PLEKHM3: variants seen among roughly 807,000 people sequenced by gnomAD.
PLEKHM3 encodes pleckstrin homology domain-containing family M member 3.
Under a neutral mutation model 81.8 loss-of-function variants are expected in PLEKHM3, and 45 were observed. That is an observed-to-expected ratio of 0.55 (90% confidence interval 0.43 to 0.71). PLEKHM3 has a LOEUF of 0.71. PLEKHM3 is among the 30% of genes least tolerant of loss of function. The pLI is 0.00. For missense variants in PLEKHM3, 788 were observed against 924.3 expected (o/e 0.85, Z 1.91); for synonymous variants, 352 against 356.4 (o/e 0.99, Z 0.14).
At chr2:207,951,609 A>G in intron 3 of PLEKHM3, among the ~76,000 whole-genome samples, 1 of 152,018 alleles carries the variant, frequency 6.6e-6, no homozygotes, top group East Asian at 1.9e-4. Context: ...CCTCTGATAC[A>G]CTCTTGGAAA....
At chr2:207,995,394 C>T (rs1212597732) in intron 2 of PLEKHM3, among the ~76,000 whole-genome samples, 1 of 152,196 alleles carries the variant, frequency 6.6e-6, no homozygotes, top group Non-Finnish European at 1.5e-5. Context: ...CTGATCCCCA[C>T]CAACTACCCC....
At position 207,856,583 on chromosome 2, in the gene PLEKHM3, G is replaced by A. The variant is rs553863825; in HGVS notation, c.2108+4522C>T. 3.3e-5 allele frequency among the ~76,000 whole-genome samples: 5 copies of A among 152,286 alleles called. No individual in the cohort carries two copies. In the South Asian group the frequency reaches 1.0e-3, roughly 32 times the overall value. On this transcript the variant is annotated intron_variant, in intron 7 of 7. Transcript: ENST00000427836. ...GTATAGTACGTAGCCTTCTCAGAAT[G>A]GCTTTGCTCACTTGTGATACACGTT... is the stretch of plus-strand genomic sequence containing the variant.
chr2:207,943,931 G>A (rs899658253), intron 4 of PLEKHM3, among the ~76,000 whole-genome samples: 1 of 144,438 alleles, frequency 6.9e-6, no homozygotes, highest in Non-Finnish European at 1.5e-5. Context: ...TATATATTTT[G>A]AAGACTACTA....
rs1261893733 is a variant in PLEKHM3, at chr2:207,863,154, C to A, written c.1951-1892G>T. 2.6e-5 allele frequency among the ~76,000 whole-genome samples: 4 copies of A among 152,342 alleles called. 1 individual carries two copies. The highest frequency in any genetic ancestry group is 4.1e-4 in the South Asian group (2 of 4,830). The stretch of plus-strand genomic sequence containing the variant: ...CATTTCTTCGAGGTCCAAGGCCATG[C>A]TTGGTGCATAGGCAAGACTTGCTTC... On this transcript the variant is annotated intron_variant, in intron 6 of 7. Coordinates refer to ENST00000427836, the MANE Select transcript of PLEKHM3 (RefSeq NM_001080475.3).
At chr2:208,002,280 A>C (rs13431014) in intron 1 of PLEKHM3, among the ~76,000 whole-genome samples, 20,400 of 152,252 alleles carry the variant, frequency 0.13, 1,544 homozygotes, top group African/African-American at 0.17. Context: ...ATAGTAAGCA[A>C]AAGAGACTAG....
chr2:208,005,624 T>C (rs1039697272), intron 1 of PLEKHM3, among the ~76,000 whole-genome samples: 3 of 152,228 alleles, frequency 2.0e-5, no homozygotes, highest in Non-Finnish European at 2.9e-5. Context: ...ATGTTAACCT[T>C]GATCACCTGG....
At chr2:207,897,241 G>A (rs925846080) in intron 6 of PLEKHM3, among the ~76,000 whole-genome samples, 4 of 152,174 alleles carry the variant, frequency 2.6e-5, no homozygotes, top group Admixed American at 6.5e-5. Context: ...TACGGAACAT[G>A]AGGGGGAAAA....
At chr2:207,887,137 G>A (rs913425601) in intron 6 of PLEKHM3, among the ~76,000 whole-genome samples, 1 of 152,190 alleles carries the variant, frequency 6.6e-6, no homozygotes, top group Admixed American at 6.5e-5. Context: ...TAGGATATTG[G>A]TCTAGGCCTA....
At chr2:207,897,423 C>G (rs968181950) in intron 6 of PLEKHM3, among the ~76,000 whole-genome samples, 1 of 152,192 alleles carries the variant, frequency 6.6e-6, no homozygotes, top group African/African-American at 2.4e-5. Context: ...ATCTCCTAAG[C>G]CCTTAAGTGT....
intron 7 of PLEKHM3, 72 bp downstream of exon 7, chr2:207,861,033 G>C: frequency 1.3e-6 from 2 of 1,517,464 alleles, no homozygotes; most frequent in South Asian, 2.5e-5. Flanking sequence ...ACTAAAAGTT[G>C]GCCTGATTTG....
At chr2:207,907,503 C>T (rs1688649596) in intron 6 of PLEKHM3, among the ~76,000 whole-genome samples, 2 of 149,576 alleles carry the variant, frequency 1.3e-5, no homozygotes, top group Admixed American at 1.3e-4. Flanking sequence ...CTCTGTCTCA[C>T]AAACGAAAGG....
intron 7 of PLEKHM3, chr2:207,852,676 C>T: frequency 2.7e-6 from 1 of 376,600 alleles, no homozygotes; most frequent in South Asian, 2.0e-5. Flanking sequence ...GAGGGAACAA[C>T]AGACACTGGG....
At chr2:207,911,012 G>A (rs1688794169) in intron 5 of PLEKHM3, among the ~76,000 whole-genome samples, 1 of 152,152 alleles carries the variant, frequency 6.6e-6, no homozygotes, top group Non-Finnish European at 1.5e-5. Context: ...TTCCAGGGGA[G>A]GGAATAAAAA....
At chr2:207,870,483 C>G (rs1263000762) in intron 6 of PLEKHM3, among the ~76,000 whole-genome samples, 1 of 152,230 alleles carries the variant, frequency 6.6e-6, no homozygotes, top group African/African-American at 2.4e-5. Flanking sequence ...GAACGGTCAC[C>G]TGCCACTCAC....
At chr2:207,961,892 G>A (rs1056418910) in intron 3 of PLEKHM3, among the ~76,000 whole-genome samples, 1 of 152,200 alleles carries the variant, frequency 6.6e-6, no homozygotes, top group Non-Finnish European at 1.5e-5. Flanking sequence ...ATTCTGTGGG[G>A]GGAAATTACA....
At chr2:208,017,515 G>A (rs1174588528) in intron 1 of PLEKHM3, among the ~76,000 whole-genome samples, 5 of 152,156 alleles carry the variant, frequency 3.3e-5, no homozygotes, top group Admixed American at 1.3e-4. Flanking sequence ...ATTCAGTGGC[G>A]CAAGTGTTGC....
In PLEKHM3 at chr2:207,889,834, C is replaced by T. The variant is rs111708317; in HGVS notation, c.1950+18680G>A. On this transcript the variant is annotated intron_variant, in intron 6 of 7. Transcript: ENST00000427836. ...TCTTATTTTTTTTGAGACAGAGTCT[C>T]GCTCTGTCGCCCAGGCTTGAGTGCA... 5.9e-3 allele frequency among the ~76,000 whole-genome samples: 903 copies of T among 152,200 alleles called. 12 individuals are homozygous for T. The highest frequency in any genetic ancestry group is 0.02 in the African/African-American group (843 of 41,536).
chr2:207,976,553 C>T lies in PLEKHM3; in HGVS notation c.1546+98G>A. The T allele has an allele frequency of 2.6e-6, 3 of 1,162,210 alleles. No homozygotes were observed. The highest frequency in any genetic ancestry group is 4.0e-4 in the Middle Eastern group (2 of 4,970). The allele number at this position is 1,162,210 out of a possible 1,614,324, so 72.0% of individuals were successfully genotyped here. The stretch of plus-strand genomic sequence containing the variant: ...GATACTTTTTATAAACAGGAGATAG[C>T]TGTGACTAGCCTATTAAGGGGATTT... On this transcript the variant is annotated intron_variant, in intron 3 of 7. Transcript: ENST00000427836. This position sits in a 1 kb window ranked among gnomAD's most constrained non-coding sequence, Gnocchi z 4.1.
At chr2:207,915,873 T>C (rs1303984568) in intron 5 of PLEKHM3, among the ~76,000 whole-genome samples, 1 of 152,212 alleles carries the variant, frequency 6.6e-6, no homozygotes, top group African/African-American at 2.4e-5. Flanking sequence ...GCCAGTGTCT[T>C]TCCTTTGGAG....
Sources: allele counts gnomAD v4.1 joint callset (sites outside exome capture counted in the v4.1 genomes callset), GRCh38; gene constraint gnomAD v4.1.1; non-coding constraint Gnocchi (gnomAD v3.1); transcripts MANE v1.5; gene names NCBI Gene and HGNC (gene_info 2026-07-23, HGNC 2026-07-21).